The following CERS4 variants were observed in gnomAD, a reference collection of about 807,000 sequenced individuals.
CERS4 encodes the protein LAG1 homolog, ceramide synthase 4.
Under a neutral mutation model 51.8 loss-of-function variants are expected in CERS4, and 65 were observed. The observed-to-expected ratio is 1.26, with a 90% confidence interval of 1.03 to 1.54. CERS4 has a LOEUF of 1.54. Among genes scored for constraint, CERS4 ranks in the 40% most tolerant of loss-of-function variants. The probability of loss-of-function intolerance (pLI) is 0.00; values close to 1 mark genes in which losing one functional copy is unlikely to be tolerated. For missense variants in CERS4, 563 were observed against 500.4 expected, an observed-to-expected ratio of 1.13 and a Z score of -1.19; for synonymous variants, 228 against 208.4, an observed-to-expected ratio of 1.09 and a Z score of -0.81.
intron 2 of CERS4, among the ~76,000 whole-genome samples, chr19:8,245,087 G>C (rs1200163961): frequency 1.5e-4 from 3 of 19,450 alleles, no homozygotes; most frequent in East Asian, 3.2e-3. Flanking sequence ...ACTCCAGGCT[G>C]GGCGACCGAG....
chr19:8,231,855 T>A (rs1170844376), intron 2 of CERS4, among the ~76,000 whole-genome samples: 4 of 48,608 alleles, frequency 8.2e-5, no homozygotes, highest in African/African-American at 1.4e-4. Context: ...CCCAGCATTT[T>A]TTTTTTTTTT....
At chr19:8,255,465 C>T (rs750512241) in intron 4 of CERS4, 142 bp from the exon 5 acceptor site, 87 of 741,086 alleles carry the variant, frequency 1.2e-4, no homozygotes, top group Middle Eastern at 4.0e-4. Context: ...ACCCCCAACA[C>T]TGCCCCTCCA....
chr19:8,250,696 C>T (rs1368586505), intron 2 of CERS4: 3 of 375,468 alleles, frequency 8.0e-6, no homozygotes, highest in Non-Finnish European at 1.1e-5. Context: ...GCCTCGTGAT[C>T]CACCCACCTT....
chr19:8,248,742 T>C (rs1039896780), intron 2 of CERS4, among the ~76,000 whole-genome samples: 1 of 150,288 alleles, frequency 6.7e-6, no homozygotes, highest in African/African-American at 2.5e-5. Flanking sequence ...GATAGGTGGA[T>C]GGACAGGTGT....
At chr19:8,250,321 CTACCA>C (rs1173351657) in intron 2 of CERS4, among the ~76,000 whole-genome samples, 1 of 152,200 alleles carries the variant, frequency 6.6e-6, no homozygotes, top group Non-Finnish European at 1.5e-5. Flanking sequence ...TGACTTCTGG[CTACCA>C]TCTTGGCATC....
intron 2 of CERS4, among the ~76,000 whole-genome samples, chr19:8,221,441 C>T (rs2145179690): frequency 1.3e-5 from 2 of 152,216 alleles, no homozygotes; most frequent in East Asian, 3.9e-4. Context: ...CACGTGATGC[C>T]AATGCTGGCT....
In CERS4 at chr19:8,256,356, A is replaced by C; in HGVS notation, c.519+70A>C. 12 of 1,537,252 alleles carry C rather than the reference A, an allele frequency of 7.8e-6. No individual in the cohort carries two copies. In the South Asian group the frequency reaches 1.0e-4, roughly 13 times the overall value. ...GATCACAGTTGCTGCAGCCATGGGC[A>C]TGGGACCCGAACCCTGACACTACAC... On this transcript the variant is annotated intron_variant, in intron 7 of 11. Coordinates refer to ENST00000251363, the MANE Select transcript of CERS4 (RefSeq NM_024552.3).
At chr19:8,244,359 G>A (rs548882252) in intron 2 of CERS4, among the ~76,000 whole-genome samples, 37 of 152,262 alleles carry the variant, frequency 2.4e-4, no homozygotes, top group African/African-American at 7.9e-4. Flanking sequence ...TTGCCTCCCT[G>A]CAGAAAATGT....
chr19:8,220,753 C>G (rs184766582), intron 2 of CERS4, among the ~76,000 whole-genome samples: 5 of 152,184 alleles, frequency 3.3e-5, no homozygotes, highest in African/African-American at 9.6e-5. Flanking sequence ...CGGTCCCTCC[C>G]GAAATCTCTG....
chr19:8,243,214 A>T (rs1968613941), intron 2 of CERS4, among the ~76,000 whole-genome samples: 1 of 150,042 alleles, frequency 6.7e-6, no homozygotes, highest in South Asian at 2.1e-4. Context: ...AAAAAAAAAA[A>T]AAAAAAAAAT....
At chr19:8,222,900 T>C (rs1402414953) in intron 2 of CERS4, among the ~76,000 whole-genome samples, 1 of 152,116 alleles carries the variant, frequency 6.6e-6, no homozygotes, top group Non-Finnish European at 1.5e-5. Flanking sequence ...TGGAGCTTGG[T>C]TGTTCTCTGG....
chr19:8,250,262 A>G (rs1969008436), intron 2 of CERS4, among the ~76,000 whole-genome samples: 1 of 152,184 alleles, frequency 6.6e-6, no homozygotes, highest in Non-Finnish European at 1.5e-5. Flanking sequence ...GGCATGAGCC[A>G]TGGTGCCCGG....
intron 2 of CERS4, among the ~76,000 whole-genome samples, chr19:8,213,261 C>T (rs562071123): frequency 9.2e-5 from 14 of 151,968 alleles, no homozygotes; most frequent in Non-Finnish European, 1.3e-4. Flanking sequence ...TGAGCTCAAA[C>T]GCCTCAGCCT....
intron 2 of CERS4, among the ~76,000 whole-genome samples, chr19:8,220,595 G>A (rs956130896): frequency 2.0e-5 from 3 of 152,036 alleles, no homozygotes; most frequent in Admixed American, 6.6e-5. Flanking sequence ...ATGAGCCACC[G>A]CGTCCGGCTG....
rs1273640072 is a variant in CERS4, at chr19:8,246,452, G to A, written c.-1-4624G>A. On this transcript the variant is annotated intron_variant, in intron 2 of 11. Transcript: ENST00000251363. ...TGTGTGCCTATGGTCCTGGCTCTGC[G>A]GGGGCTGACATGAAAAGACCACCCG... Among the ~76,000 whole-genome samples the A allele has an allele frequency of 2.0e-5, 3 of 151,904 alleles. No homozygotes were observed. The East Asian group carries it at 5.9e-4, about 30-fold the overall frequency.
At chr19:8,218,928 C>T (rs1279394902) in intron 2 of CERS4, among the ~76,000 whole-genome samples, 1 of 152,116 alleles carries the variant, frequency 6.6e-6, no homozygotes, top group Non-Finnish European at 1.5e-5. Flanking sequence ...GACTTGAGGC[C>T]GGGAGCCGTG....
At chr19:8,220,754 G>A (rs1331802516) in intron 2 of CERS4, among the ~76,000 whole-genome samples, 4 of 151,956 alleles carry the variant, frequency 2.6e-5, no homozygotes, top group Non-Finnish European at 1.5e-5. Context: ...GGTCCCTCCC[G>A]AAATCTCTGC....
chr19:8,220,925 C>T (rs753677404), intron 2 of CERS4, among the ~76,000 whole-genome samples: 45 of 151,422 alleles, frequency 3.0e-4, no homozygotes, highest in Non-Finnish European at 4.3e-4. Flanking sequence ...GGGTTCATGC[C>T]GTTCTCCTGC....
intron 2 of CERS4, among the ~76,000 whole-genome samples, chr19:8,231,122 A>C (rs1967989182): frequency 6.6e-6 from 1 of 152,134 alleles, no homozygotes; most frequent in Non-Finnish European, 1.5e-5. Flanking sequence ...TACAGACATA[A>C]TAGCTGCCTC....
Sources: gnomAD v4.1 joint callset for allele counts (sites outside exome capture counted in the v4.1 genomes callset) on GRCh38, gnomAD v4.1.1 for gene constraint, MANE v1.5 for transcripts, NCBI Gene and HGNC (gene_info 2026-07-23, HGNC 2026-07-21) for gene names.